ATXN7L1: variants seen among roughly 807,000 people sequenced by gnomAD.
ATXN7L1 encodes ataxin-7-like protein 1.
In ATXN7L1, 15 loss-of-function variants were observed where a neutral mutation model predicts 70.8. The observed-to-expected ratio is 0.21, with a 90% CI of 0.14 to 0.33. ATXN7L1 has a LOEUF of 0.33. Among genes scored for constraint, ATXN7L1 ranks in the 10% least tolerant of loss-of-function variants. The pLI is 1.00. For synonymous variants in ATXN7L1, 440 were observed against 445.1 expected (o/e 0.99, Z 0.14); for missense variants, 975 against 1,097.1 (o/e 0.89, Z 1.57).
In ATXN7L1 at chr7:105,788,701, G is replaced by A. The variant is rs1480962030; in HGVS notation, c.258C>T (p.His86=). ...EVMRLNKEDM[H]LFGHYPAHDD... ...CATGTGCTGGGTAATGGCCAAATAA[G>A]TGCATATCTGTGGGGGAAATGAAAA... Residue 86 remains histidine, a synonymous_variant, in exon 3 of 12, where the codon CAC becomes CAT. Transcript: ENST00000419735. 1 of 1,606,700 alleles carries A rather than the reference G, an allele frequency of 6.2e-7. No individual in the cohort carries two copies.
chr7:105,718,595 TCA>T (rs1794833034), intron 3 of ATXN7L1, among the ~76,000 whole-genome samples: 1 of 152,174 alleles, frequency 6.6e-6, no homozygotes, highest in African/African-American at 2.4e-5. Context: ...AATCACCTCT[TCA>T]CACACAGTTT....
At position 105,731,394 on chromosome 7, in the gene ATXN7L1, G is replaced by A. The variant is rs898305119; in HGVS notation, c.355+57210C>T. On this transcript the variant is annotated intron_variant, in intron 3 of 11. Transcript: ENST00000419735. ...GTCTTAAAAAATAAAGTCTCTTTAA[G>A]AAGAAAAGGTGTACCCTTAACCTAC... Among the ~76,000 whole-genome samples the A allele has an allele frequency of 2.7e-5, 4 of 150,094 alleles. No homozygotes were observed. The South Asian group carries it at 8.4e-4, about 32-fold the overall frequency.
intron 9 of ATXN7L1, among the ~76,000 whole-genome samples, chr7:105,618,892 G>A (rs1361506580): frequency 1.3e-5 from 2 of 152,176 alleles, no homozygotes; most frequent in Non-Finnish European, 2.9e-5. Flanking sequence ...CTATTAAAAT[G>A]TAAGTACACT....
rs1793580679 is a variant in ATXN7L1 at position 105,614,574 on chromosome 7, A to C, written c.1760T>G (p.Val587Gly). ...LMSHTTAFPH[V>G]AATLSIMDST... The stretch of plus-strand genomic sequence containing the variant: ...GTCCATGATGCTGAGGGTTGCGGCC[A>C]CATGAGGGAAAGCTGTGGTGTGGGA... Residue 587 changes from valine to glycine, a missense_variant, in exon 10 of 12, where the codon GTG becomes GGG. Val to Gly is a moderately radical substitution (Grantham distance 109). This residue lies in a region of ATXN7L1 where 635 missense variants were observed against 699.4 expected (regional missense o/e 0.91). Coordinates refer to ENST00000419735, the MANE Select transcript of ATXN7L1 (RefSeq NM_020725.2). This position sits in a 1 kb window ranked among gnomAD's most constrained non-coding sequence, Gnocchi z 4.3. The C allele has an allele frequency of 3.2e-6, 5 of 1,550,766 alleles. No homozygotes were observed. The highest frequency in any genetic ancestry group is 4.4e-6 in the Non-Finnish European group (5 of 1,146,234).
At chr7:105,617,730 G>A (rs922935390) in intron 9 of ATXN7L1, 13 of 354,928 alleles carry the variant, frequency 3.7e-5, no homozygotes, top group East Asian at 1.5e-4. Flanking sequence ...CCACAGATGC[G>A]AATAAATTAC....
At chr7:105,782,362 A>G (rs1803655275) in intron 3 of ATXN7L1, among the ~76,000 whole-genome samples, 1 of 152,224 alleles carries the variant, frequency 6.6e-6, no homozygotes, top group Non-Finnish European at 1.5e-5. Flanking sequence ...TTAGAAACAA[A>G]CTAATCCCTT....
intron 3 of ATXN7L1, among the ~76,000 whole-genome samples, chr7:105,782,126 G>A (rs1185363798): frequency 1.3e-5 from 2 of 152,124 alleles, no homozygotes; most frequent in African/African-American, 2.4e-5. Flanking sequence ...GAGCCACTGC[G>A]CCTGGCCTAG....
intron 2 of ATXN7L1, among the ~76,000 whole-genome samples, chr7:105,815,770 A>G (rs565109918): frequency 6.6e-6 from 1 of 152,326 alleles, no homozygotes; most frequent in Admixed American, 6.5e-5. Context: ...TCCCTGCATG[A>G]TGCTCGGCAG....
chr7:105,613,480 A>G (rs908604087), intron 10 of ATXN7L1: 1 of 1,106,676 alleles, frequency 9.0e-7, no homozygotes, highest in African/African-American at 1.6e-5. Flanking sequence ...CCTCTTAGCA[A>G]CAGAACTCTT....
chr7:105,710,674 G>C (rs1353320442), intron 3 of ATXN7L1, among the ~76,000 whole-genome samples: 1 of 152,126 alleles, frequency 6.6e-6, no homozygotes, highest in Non-Finnish European at 1.5e-5. Flanking sequence ...GCCTCCCAAA[G>C]TGCTGGGATT....
Position 105,610,529 on chromosome 7 carries a change from C to T in ATXN7L1, c.2547G>A (p.Gln849=). Reference sequence around the variant, plus strand: ...CCCACCCCCACCCTCAGTAACTTACCTGTCGGCTGTGTCCTGGGCTGGATA... The same window carrying T: ...CCCACCCCCACCCTCAGTAACTTACTTGTCGGCTGTGTCCTGGGCTGGATA... ...SSISSPGHSR[Q]NTNRTGRIRT... is the part of the protein sequence containing the mutation. The change falls in exon 11 of 12, where the codon CAG becomes CAA. Residue 849 remains glutamine (Q), a splice_region_variant and synonymous_variant. Coordinates refer to ENST00000419735, the MANE Select transcript of ATXN7L1 (RefSeq NM_020725.2). 1.3e-6 allele frequency: 2 copies of T among 1,550,742 alleles called. No homozygotes were observed. Among genetic ancestry groups the T allele is most frequent in the Non-Finnish European group, 1.7e-6 (2 of 1,146,418 alleles).
intron 3 of ATXN7L1, among the ~76,000 whole-genome samples, chr7:105,713,298 G>A (rs1474101385): frequency 1.3e-5 from 2 of 152,206 alleles, no homozygotes; most frequent in Non-Finnish European, 2.9e-5. Context: ...TGATGATGAT[G>A]CAGCTGATCA....
chr7:105,609,312 G>T (rs867459499), intron 11 of ATXN7L1, among the ~76,000 whole-genome samples: 3 of 151,928 alleles, frequency 2.0e-5, no homozygotes, highest in Admixed American at 6.6e-5. Context: ...TGGGATTACA[G>T]GTGCGCACCA....
rs541146126 is a variant in ATXN7L1, at chr7:105,649,329, T to G, written c.579-6208A>C. ...TCTCTCCTCATCATCTCTGTACCTC[T>G]GTCTCGGTCCTGGGAAAGAAACCCA... is the stretch of plus-strand genomic sequence containing the variant. On this transcript the variant is annotated intron_variant, in intron 4 of 11. Transcript: ENST00000419735. 31 of 976,662 alleles carry G rather than the reference T, an allele frequency of 3.2e-5. No individual in the cohort carries two copies. The South Asian group carries it at 1.4e-3, about 45-fold the overall frequency. The allele number at this position is 976,662 out of a possible 1,614,324, so 60.5% of individuals were successfully genotyped here. A position where few individuals can be genotyped will look rare whatever the true frequency, so the allele number is the denominator to read the frequency against.
intron 3 of ATXN7L1, among the ~76,000 whole-genome samples, chr7:105,708,805 A>G (rs927398316): frequency 6.6e-6 from 1 of 152,226 alleles, no homozygotes; most frequent in Non-Finnish European, 1.5e-5. Context: ...TTTGCTTTCC[A>G]TTTAAGATTT....
chr7:105,610,670 CAT>C lies in ATXN7L1; in HGVS notation c.2473-69_2473-68del, dbSNP rs1301471179. On this transcript the variant is annotated intron_variant, in intron 10 of 11. Coordinates refer to ENST00000419735, the MANE Select transcript of ATXN7L1 (RefSeq NM_020725.2). ...GCCTGGGAAGGGCCCGCCGATGCCA[CAT>C]GTTCTAGGGGAAAGAAGGGCTGCAC... The C allele has an allele frequency of 1.2e-5, 16 of 1,370,222 alleles. No homozygotes were observed. In the African/African-American group the frequency reaches 2.3e-4, roughly 20 times the overall value. 84.9% of individuals were successfully genotyped at this position (1,370,222 alleles called of 1,614,324 possible). A position where few individuals can be genotyped will look rare whatever the true frequency, so the allele number is the denominator to read the frequency against.
chr7:105,678,092 C>CTTTTT, intron 3 of ATXN7L1: 4 of 520,708 alleles, frequency 7.7e-6, no homozygotes, highest in Non-Finnish European at 9.7e-6. Flanking sequence ...CAGACACATA[C>CTTTTT]TTTTTTTTTT....
At chr7:105,814,612 C>T (rs1808925988) in intron 2 of ATXN7L1, among the ~76,000 whole-genome samples, 2 of 151,868 alleles carry the variant, frequency 1.3e-5, no homozygotes, top group South Asian at 2.1e-4. Flanking sequence ...CTTCTTAATT[C>T]CTTCCTCATT....
At chr7:105,812,172 T>C (rs1808524356) in intron 2 of ATXN7L1, among the ~76,000 whole-genome samples, 2 of 152,180 alleles carry the variant, frequency 1.3e-5, no homozygotes. Context: ...TGTCTGTCTC[T>C]GTACACAACC....
Sources: gnomAD v4.1 joint callset for allele counts (sites outside exome capture counted in the v4.1 genomes callset) on GRCh38, gnomAD v4.1.1 for gene constraint, gnomAD v4.1.1 regional missense constraint, Gnocchi (gnomAD v3.1) non-coding constraint, MANE v1.5 for transcripts, NCBI Gene and HGNC (gene_info 2026-07-23, HGNC 2026-07-21) for gene names.